FHIT: variants seen among roughly 807,000 people sequenced by gnomAD.
FHIT encodes the protein fragile histidine triad diadenosine triphosphatase.
Under a neutral mutation model 17.9 loss-of-function variants are expected in FHIT, and 19 were observed. That is an observed-to-expected ratio of 1.06 (90% CI 0.74 to 1.56). The LOEUF is 1.56. Ranked by LOEUF, FHIT falls within the 40% of genes most tolerant of loss-of-function variation. The pLI is 0.00. For synonymous variants in FHIT, 81 were observed against 69.7 expected, an observed-to-expected ratio of 1.16 and a Z score of -0.81; for missense variants, 248 against 189.2, an observed-to-expected ratio of 1.31 and a Z score of -1.82.
At chr3:60,667,746 G>T (rs1053327916) in intron 4 of FHIT, among the ~76,000 whole-genome samples, 2 of 39,998 alleles carry the variant, frequency 5.0e-5, no homozygotes, top group East Asian at 9.2e-4. Flanking sequence ...GTCTTTCGTT[G>T]TAAGTCAGTA....
At chr3:60,086,633 A>G (rs1468438878) in intron 5 of FHIT, among the ~76,000 whole-genome samples, 2 of 152,220 alleles carry the variant, frequency 1.3e-5, no homozygotes, top group African/African-American at 2.4e-5. Context: ...AAGAGAAAAC[A>G]GGCCCTGTGC....
chr3:60,116,448 T>A (rs4679633), intron 5 of FHIT, among the ~76,000 whole-genome samples: 13,622 of 152,118 alleles, frequency 0.09, 1,273 homozygotes, highest in East Asian at 0.43. Context: ...TCAGAGCCCC[T>A]CTTTTCTTGC....
At chr3:60,572,920 C>A (rs1445548238) in intron 4 of FHIT, among the ~76,000 whole-genome samples, 1 of 152,148 alleles carries the variant, frequency 6.6e-6, no homozygotes, top group African/African-American at 2.4e-5. Context: ...CTGCTAAATG[C>A]TCAACATACA....
intron 8 of FHIT, among the ~76,000 whole-genome samples, chr3:59,780,764 G>A (rs1702548915): frequency 6.6e-6 from 1 of 152,142 alleles, no homozygotes; most frequent in Non-Finnish European, 1.5e-5. Context: ...CCCCGACCAT[G>A]TTAGCGCCCT....
At position 60,283,014 on chromosome 3, in the gene FHIT, G is replaced by A. The variant is rs1036883891; in HGVS notation, c.103+253846C>T. On this transcript the variant is annotated intron_variant, in intron 5 of 9. Transcript: ENST00000492590. ...AAGACTAGAGAGCAGCTGGCTAGCT[G>A]TTTAGAGGTAACAGATGGCAGAACC... Among the ~76,000 whole-genome samples, 3 of 152,262 alleles carry A rather than the reference G, an allele frequency of 2.0e-5. No individual in the cohort carries two copies. In the South Asian group the frequency reaches 6.2e-4, roughly 32 times the overall value.
chr3:61,094,338 CTG>C (rs2035574272), intron 2 of FHIT, among the ~76,000 whole-genome samples: 1 of 152,202 alleles, frequency 6.6e-6, no homozygotes, highest in Non-Finnish European at 1.5e-5. Flanking sequence ...CACTTACTGT[CTG>C]TGCAACCTTG....
chr3:60,009,624 G>C (rs1575874865), intron 7 of FHIT, among the ~76,000 whole-genome samples: 1 of 152,062 alleles, frequency 6.6e-6, no homozygotes, highest in South Asian at 2.1e-4. Flanking sequence ...GTGTGTGTGT[G>C]TTTATTATTT....
intron 5 of FHIT, among the ~76,000 whole-genome samples, chr3:60,159,103 A>G (rs1320343190): frequency 2.0e-5 from 3 of 151,732 alleles, no homozygotes; most frequent in African/African-American, 4.8e-5. Flanking sequence ...ATTTAATTCC[A>G]CAGATATACT....
intron 5 of FHIT, among the ~76,000 whole-genome samples, chr3:60,132,375 G>C (rs1699631373): frequency 6.6e-6 from 1 of 152,134 alleles, no homozygotes; most frequent in Non-Finnish European, 1.5e-5. Context: ...TTATGTATTT[G>C]TTAAACGAAT....
intron 2 of FHIT, among the ~76,000 whole-genome samples, chr3:61,134,100 T>TACACACACACACACACACAC (rs150931006): frequency 0.051 from 6,866 of 134,768 alleles, 299 homozygotes; most frequent in African/African-American, 0.061. Context: ...CACACACACA[T>TACACACACACACACACACAC]ACACACACAC....
intron 2 of FHIT, among the ~76,000 whole-genome samples, chr3:61,095,648 T>C (rs1530093): frequency 0.69 from 104,732 of 151,676 alleles, 37,352 homozygotes; most frequent in African/African-American, 0.8. Flanking sequence ...AAAGCATCTG[T>C]TTTAAAAAAA....
intron 3 of FHIT, among the ~76,000 whole-genome samples, chr3:61,035,981 C>T (rs2033217699): frequency 6.6e-6 from 1 of 152,142 alleles, no homozygotes; most frequent in Non-Finnish European, 1.5e-5. Flanking sequence ...AAATTTAAAG[C>T]TGTATCTAAG....
intron 4 of FHIT, among the ~76,000 whole-genome samples, chr3:60,650,182 A>T (rs782773611): frequency 6.6e-6 from 1 of 152,202 alleles, no homozygotes; most frequent in Non-Finnish European, 1.5e-5. Flanking sequence ...AAAAGTATTA[A>T]TTCAAAAAAC....
At chr3:60,970,308 T>C (rs898041589) in intron 3 of FHIT, among the ~76,000 whole-genome samples, 9 of 152,250 alleles carry the variant, frequency 5.9e-5, no homozygotes, top group South Asian at 2.1e-4. Flanking sequence ...ATACTGTGTG[T>C]TTGCACAATG....
chr3:60,937,465 G>A (rs1249450032), intron 3 of FHIT, among the ~76,000 whole-genome samples: 1 of 151,020 alleles, frequency 6.6e-6, no homozygotes, highest in Non-Finnish European at 1.5e-5. Flanking sequence ...GTGAAATGCT[G>A]TTTCAGAGTC....
intron 3 of FHIT, among the ~76,000 whole-genome samples, chr3:60,993,495 G>A (rs1257289368): frequency 1.7e-5 from 2 of 119,032 alleles, no homozygotes; most frequent in Admixed American, 8.3e-5. Context: ...TGTCCCTGAT[G>A]GTAGGCAAAA....
chr3:60,255,434 G>A (rs1200172661), intron 5 of FHIT, among the ~76,000 whole-genome samples: 1 of 152,080 alleles, frequency 6.6e-6, no homozygotes, highest in South Asian at 2.1e-4. Context: ...AACGAGTAAA[G>A]TAGACTTGCT....
At chr3:59,859,652 G>A (rs1374207576) in intron 8 of FHIT, among the ~76,000 whole-genome samples, 3 of 152,196 alleles carry the variant, frequency 2.0e-5, no homozygotes, top group Non-Finnish European at 4.4e-5. Flanking sequence ...GCTGGGAGGC[G>A]GAGGTTGCAG....
chr3:61,183,287 G>A (rs1006486670), intron 2 of FHIT, among the ~76,000 whole-genome samples: 27 of 137,178 alleles, frequency 2.0e-4, no homozygotes, highest in Admixed American at 3.2e-4. Flanking sequence ...TAGAAAAAGC[G>A]AGTAAGTGAC....
Sources: gnomAD v4.1 joint callset for allele counts (sites outside exome capture counted in the v4.1 genomes callset) on GRCh38, gnomAD v4.1.1 for gene constraint, MANE v1.5 for transcripts, NCBI Gene and HGNC (gene_info 2026-07-23, HGNC 2026-07-21) for gene names.